Variants in TDO2 observed in about 807,000 individuals in gnomAD.
The protein encoded by TDO2 is tryptophan 2,3-dioxygenase.
TDO2 carries 63 observed loss-of-function variants against 61.2 expected under a neutral mutation model. That is an observed-to-expected ratio of 1.03 (90% CI 0.84 to 1.27). The LOEUF is 1.27. TDO2 is among the 50% of genes most tolerant of loss of function. The pLI is 0.00. For synonymous variants in TDO2, 183 were observed against 164.0 expected, an observed-to-expected ratio of 1.12 and a Z score of -0.89; for missense variants, 494 against 469.5, an observed-to-expected ratio of 1.05 and a Z score of -0.48.
intron 3 of TDO2, chr4:155,906,165 C>T (rs911544854): frequency 1.3e-5 from 2 of 152,118 alleles, no homozygotes; most frequent in Non-Finnish European, 2.9e-5. Context: ...TACTGATGCT[C>T]TCACTTACAG....
intron 10 of TDO2, among the ~76,000 whole-genome samples, 190 bp from the exon 11 acceptor site, chr4:155,917,959 C>G (rs1337491198): frequency 6.6e-6 from 1 of 152,096 alleles, no homozygotes. Flanking sequence ...TGCATGTAGC[C>G]TGAAGCAAGT....
chr4:155,915,940 G>A, intron 9 of TDO2, 28 bp downstream of exon 9: 1 of 1,591,872 alleles, frequency 6.3e-7, no homozygotes, highest in Non-Finnish European at 8.6e-7. Context: ...AGAGACTGAA[G>A]TTAAAATTGA....
At chr4:155,910,232 T>A (rs1742806050) in intron 6 of TDO2, 21 bp downstream of exon 6, 1 of 1,533,180 alleles carries the variant, frequency 6.5e-7, no homozygotes, top group Non-Finnish European at 8.7e-7. Context: ...ATACAATTTA[T>A]AAAGTTTAAC....
At position 155,914,316 on chromosome 4, in the gene TDO2, CCTAAAGG is replaced by C; in HGVS notation, c.727_733del (p.Ala243LysfsTer49). 2 of 1,593,342 alleles carry C rather than the reference CCTAAAGG, an allele frequency of 1.3e-6. No individual in the cohort carries two copies. The highest frequency in any genetic ancestry group is 1.7e-6 in the Non-Finnish European group (2 of 1,173,556). On this transcript the variant is annotated splice_acceptor_variant and splice_polypyrimidine_tract_variant and coding_sequence_variant and intron_variant, in exon 8 of 12. Transcript: ENST00000536354. LOFTEE classifies it high-confidence loss of function. ...TCAGGACTATTAATGCCATATTTTT[CCTAAAGG>C]CTAAAGAAGAGTCTGAAGAAAAAGA...
chr4:155,910,292 G>A (rs10517626), intron 6 of TDO2, 81 bp downstream of exon 6: 9 of 1,102,958 alleles, frequency 8.2e-6, no homozygotes, highest in Admixed American at 6.0e-5. Context: ...TTTTAAAAAC[G>A]TATATCGAAA....
Position 155,905,137 on chromosome 4 carries a change from T to A in TDO2, c.212T>A (p.Leu71His). 1 of 1,596,768 alleles carries A rather than the reference T, an allele frequency of 6.3e-7. No homozygotes were observed. Residue 71 changes from leucine (L) to histidine (H), a missense_variant, in exon 3 of 12, where the codon CTT (leucine) becomes CAT (histidine). By Grantham distance (99) the Leu-to-His change is moderately conservative. Coordinates refer to ENST00000536354, the MANE Select transcript of TDO2 (RefSeq NM_005651.4). ...GGAAATAAAATCCATGATGAACATCTTTTTATCATAACTCATCAAGGTAAG... is the reference window on the plus strand; with the variant it reads ...GGAAATAAAATCCATGATGAACATCATTTTATCATAACTCATCAAGGTAAG... ...TKGNKIHDEHLFIITHQAYEL... is the reference protein window; with the variant it reads ...TKGNKIHDEHHFIITHQAYEL...
chr4:155,907,483 A>G, intron 3 of TDO2: 1 of 438,478 alleles, frequency 2.3e-6, no homozygotes, highest in Non-Finnish European at 4.0e-6. Context: ...TTAGTGTAAT[A>G]ATAATGAATA....
rs534822072 is a variant in TDO2 at position 155,908,133 on chromosome 4, C to T, written c.303+341C>T. Among the ~76,000 whole-genome samples the T allele has an allele frequency of 3.1e-4, 47 of 151,372 alleles. 1 individual carries two copies. In the South Asian group the frequency reaches 4.2e-3, roughly 13 times the overall value. ...TTGTATTTCTACTGAATATTAGCTG[C>T]AGGAAGATGGGAGCAATAATAAAGA... On this transcript the variant is annotated intron_variant, in intron 4 of 11. Coordinates refer to ENST00000536354, the MANE Select transcript of TDO2 (RefSeq NM_005651.4).
chr4:155,919,675 C>T (rs1743007935), intron 11 of TDO2, among the ~76,000 whole-genome samples, 162 bp from the exon 12 acceptor site: 1 of 151,910 alleles, frequency 6.6e-6, no homozygotes, highest in African/African-American at 2.4e-5. Flanking sequence ...AATACTAATA[C>T]TACATAATAC....
In TDO2 at chr4:155,918,164, T is replaced by G; in HGVS notation, c.992T>G (p.Met331Arg). 1 of 1,614,054 alleles carries G rather than the reference T, an allele frequency of 6.2e-7. No homozygotes were observed. Among genetic ancestry groups the G allele is most frequent in the South Asian group, 1.1e-5 (1 of 91,078 alleles). Residue 331 changes from methionine to arginine, a missense_variant, in exon 11 of 12, where the codon ATG becomes AGG. Met to Arg is a moderately conservative substitution (Grantham distance 91). Coordinates refer to ENST00000536354, the MANE Select transcript of TDO2 (RefSeq NM_005651.4). ...MTKWRYNHVC[M>R]VHRMLGSKAG... ...GTTTGCCTAGATAACCATGTGTGCA[T>G]GGTGCACAGAATGCTGGGCAGCAAA...
At chr4:155,907,885 T>C in intron 4 of TDO2, 93 bp downstream of exon 4, 1 of 903,424 alleles carries the variant, frequency 1.1e-6, no homozygotes, top group Non-Finnish European at 1.8e-6. Flanking sequence ...CACCAAATGG[T>C]GGTCTTAACT....
In TDO2 at chr4:155,917,030, G is replaced by T. The variant is rs190953908; in HGVS notation, c.897-365G>T. ...AATAGATGAAAAGAAATAAAAAGTGGTTTTTCCTTTTGTGTTTTAATATCT... is the reference window on the plus strand; with the variant it reads ...AATAGATGAAAAGAAATAAAAAGTGTTTTTTCCTTTTGTGTTTTAATATCT... On this transcript the variant is annotated intron_variant, in intron 9 of 11. Transcript: ENST00000536354. 1.5e-3 allele frequency among the ~76,000 whole-genome samples: 233 copies of T among 152,178 alleles called. 3 individuals are homozygous for T. The highest frequency in any genetic ancestry group is 5.0e-4 in the Non-Finnish European group (34 of 68,004).
chr4:155,916,169 T>A (rs190189871), intron 9 of TDO2, among the ~76,000 whole-genome samples: 2,257 of 141,562 alleles, frequency 0.016, 61 homozygotes, highest in African/African-American at 0.055. Flanking sequence ...ATATCCTTTT[T>A]TTTTTTTTTT....
At chr4:155,918,579 T>C (rs1435908048) in intron 11 of TDO2, among the ~76,000 whole-genome samples, 6 of 152,362 alleles carry the variant, frequency 3.9e-5, no homozygotes, top group Non-Finnish European at 8.8e-5. Context: ...CATTTATCAT[T>C]AATTCTACTA....
intron 2 of TDO2, 115 bp from the exon 3 acceptor site, chr4:155,904,952 T>C: frequency 4.7e-6 from 3 of 637,916 alleles, no homozygotes; most frequent in Non-Finnish European, 8.0e-6. Context: ...TAGATTGGTT[T>C]CTGAGAATTT....
chr4:155,904,736 A>C (rs1392411794), intron 2 of TDO2, among the ~76,000 whole-genome samples: 1 of 152,184 alleles, frequency 6.6e-6, no homozygotes, highest in Non-Finnish European at 1.5e-5. Context: ...CTTTAGGGGA[A>C]TAAAAGAATG....
At position 155,903,742 on chromosome 4, in the gene TDO2, G is replaced by C. The variant is rs370551248; in HGVS notation, c.-17G>C. 6.2e-7 allele frequency: 1 copy of C among 1,614,170 alleles called. No individual in the cohort carries two copies. Among genetic ancestry groups the C allele is most frequent in the African/African-American group, 1.3e-5 (1 of 75,062 alleles). The stretch of plus-strand genomic sequence containing the variant: ...TAGAGTCAAACCTCCGTGCTTCTCA[G>C]ACAGTGCCTTTTCACCATGAGTGGG... On this transcript the variant is annotated 5_prime_UTR_variant, in exon 1 of 12. Transcript: ENST00000536354.
At chr4:155,905,712 A>T (rs1055240340) in intron 3 of TDO2, 1 of 152,344 alleles carries the variant, frequency 6.6e-6, no homozygotes, top group South Asian at 2.1e-4. Flanking sequence ...TATCTTAAAG[A>T]GGTCTGTGAC....
chr4:155,912,601 A>T (rs1208179068), intron 7 of TDO2, among the ~76,000 whole-genome samples: 1 of 151,762 alleles, frequency 6.6e-6, no homozygotes, highest in African/African-American at 2.4e-5. Context: ...ACTTGCTCTT[A>T]TTTCTCTCTC....
Sources: gnomAD v4.1 joint callset for allele counts (sites outside exome capture counted in the v4.1 genomes callset) on GRCh38, gnomAD v4.1.1 for gene constraint, MANE v1.5 for transcripts, NCBI Gene and HGNC (gene_info 2026-07-23, HGNC 2026-07-21) for gene names.